Variants in UNC13C observed in about 807,000 individuals in gnomAD.
UNC13C encodes the protein protein unc-13 homolog C.
In UNC13C, 174 loss-of-function variants were observed where a neutral mutation model predicts 245.4. The observed-to-expected ratio is 0.71, with a 90% CI of 0.63 to 0.80. The LOEUF (loss-of-function observed/expected upper bound fraction) is 0.80, where lower values mean the gene tolerates loss of function less well. Ranked by LOEUF, UNC13C falls within the 30% of genes least tolerant of loss-of-function variation. UNC13C has a pLI of 0.00. For missense variants in UNC13C, 2,829 were observed against 2,602.9 expected (o/e 1.09, Z -1.89); for synonymous variants, 992 against 895.1 (o/e 1.11, Z -1.93).
At chr15:54,001,094 G>A (rs955693721) in intron 1 of UNC13C, among the ~76,000 whole-genome samples, 2 of 152,130 alleles carry the variant, frequency 1.3e-5, no homozygotes, top group African/African-American at 4.8e-5. Flanking sequence ...GTCAAGTTCT[G>A]TTTGTAGCTG....
chr15:54,457,111 C>A (rs536533768), intron 19 of UNC13C, among the ~76,000 whole-genome samples: 2 of 152,174 alleles, frequency 1.3e-5, no homozygotes, highest in Non-Finnish European at 2.9e-5. Context: ...TTATCAAATT[C>A]TATTTCTGTG....
intron 30 of UNC13C, among the ~76,000 whole-genome samples, chr15:54,606,832 C>T (rs116316186): frequency 0.014 from 2,144 of 152,198 alleles, 49 homozygotes; most frequent in African/African-American, 0.048. Context: ...GAAGGTGCTG[C>T]GTTAGCCATA....
At chr15:54,488,810 T>C (rs1893555216) in intron 19 of UNC13C, among the ~76,000 whole-genome samples, 1 of 152,148 alleles carries the variant, frequency 6.6e-6, no homozygotes, top group Non-Finnish European at 1.5e-5. Flanking sequence ...AAAATTATAC[T>C]GCAGTTTGGA....
the UNC13C span, among the ~76,000 whole-genome samples, chr15:53,884,561 C>A: frequency 6.6e-6 from 1 of 152,262 alleles, no homozygotes; most frequent in East Asian, 1.9e-4. Context: ...TCTCAAACTT[C>A]TGGCCTGAAG....
In UNC13C at chr15:54,584,865, C is replaced by A. The variant is rs117536077; in HGVS notation, c.6106+16918C>A. Among the ~76,000 whole-genome samples the A allele has an allele frequency of 2.2e-4, 33 of 152,350 alleles. No individual in the cohort carries two copies. The East Asian group carries it at 5.8e-3, about 27-fold the overall frequency. On this transcript the variant is annotated intron_variant, in intron 30 of 32. Coordinates refer to ENST00000260323, the MANE Select transcript of UNC13C (RefSeq NM_001080534.3). Reference sequence around the variant, plus strand: ...CTTATATAGAGAGTAAGTGGTGGAACTGGATTCAAATCCAAATTCTTCCAA... The same window carrying A: ...CTTATATAGAGAGTAAGTGGTGGAAATGGATTCAAATCCAAATTCTTCCAA...
chr15:54,073,618 T>C (rs1323823933), intron 2 of UNC13C, among the ~76,000 whole-genome samples: 1 of 152,280 alleles, frequency 6.6e-6, no homozygotes, highest in Non-Finnish European at 1.5e-5. Context: ...TCATTTGCGT[T>C]GCTCTAATAA....
chr15:54,622,450 G>A, intron 31 of UNC13C, 31 bp downstream of exon 31: 1 of 1,522,962 alleles, frequency 6.6e-7, no homozygotes, highest in Non-Finnish European at 9.1e-7. Flanking sequence ...AATCAAAACA[G>A]CCTTCTAAAC....
chr15:54,389,488 A>G (rs2039907979), intron 17 of UNC13C, among the ~76,000 whole-genome samples: 1 of 152,238 alleles, frequency 6.6e-6, no homozygotes, highest in Admixed American at 6.5e-5. Flanking sequence ...ATCACCATGC[A>G]CATTAGCATA....
chr15:54,354,425 TGGA>T (rs2039049718), intron 17 of UNC13C, among the ~76,000 whole-genome samples: 1 of 152,156 alleles, frequency 6.6e-6, no homozygotes, highest in Non-Finnish European at 1.5e-5. Context: ...CTTATAAAAA[TGGA>T]GGAGATTATA....
chr15:54,039,283 C>T (rs1896715538), intron 2 of UNC13C, among the ~76,000 whole-genome samples: 1 of 152,186 alleles, frequency 6.6e-6, no homozygotes, highest in Non-Finnish European at 1.5e-5. Context: ...TCAGAAGTTT[C>T]ACATGCTTAT....
Position 54,265,385 on chromosome 15 carries a change from A to G in UNC13C, c.3707A>G (p.Asp1236Gly). Residue 1236 changes from aspartate (D) to glycine (G), a missense_variant, in exon 10 of 33, where the codon GAT (aspartate) becomes GGT (glycine). Asp to Gly is a moderately conservative substitution (Grantham distance 94). Coordinates refer to ENST00000260323, the MANE Select transcript of UNC13C (RefSeq NM_001080534.3). Reference sequence around the variant, plus strand: ...TCTGCACAGGGTCTACAGGCAAAAGATAAAACAGGGTCTAGTGATCCATAT... The same window carrying G: ...TCTGCACAGGGTCTACAGGCAAAAGGTAAAACAGGGTCTAGTGATCCATAT... ...VVSAQGLQAKDKTGSSDPYVT... is the reference protein window; with the variant it reads ...VVSAQGLQAKGKTGSSDPYVT... 6.3e-7 allele frequency: 1 copy of G among 1,587,680 alleles called. No individual in the cohort carries two copies. The highest frequency in any genetic ancestry group is 8.6e-7 in the Non-Finnish European group (1 of 1,165,108).
intron 1 of UNC13C, among the ~76,000 whole-genome samples, chr15:54,007,538 C>G (rs1376994242): frequency 6.6e-6 from 1 of 152,166 alleles, no homozygotes; most frequent in Non-Finnish European, 1.5e-5. Flanking sequence ...CATCTTCTCA[C>G]TCATAAGTGG....
intron 18 of UNC13C, among the ~76,000 whole-genome samples, chr15:54,394,388 A>T (rs1225214087): frequency 6.6e-6 from 1 of 151,606 alleles, no homozygotes; most frequent in Non-Finnish European, 1.5e-5. Flanking sequence ...TGTGTTTCCT[A>T]ATCTCTGTAC....
chr15:54,170,677 A>G (rs2033364708), intron 4 of UNC13C, among the ~76,000 whole-genome samples: 1 of 151,994 alleles, frequency 6.6e-6, no homozygotes, highest in African/African-American at 2.4e-5. Flanking sequence ...AGCTATTTGA[A>G]TGTTAGATTA....
chr15:54,169,216 A>G (rs1482261749), intron 4 of UNC13C, among the ~76,000 whole-genome samples: 1 of 152,224 alleles, frequency 6.6e-6, no homozygotes. Context: ...TGGAATTACT[A>G]TAGCTGTTTA....
intron 4 of UNC13C, among the ~76,000 whole-genome samples, chr15:54,153,373 G>C (rs1236310246): frequency 6.6e-6 from 1 of 151,950 alleles, no homozygotes; most frequent in Non-Finnish European, 1.5e-5. Context: ...ACCCATATCT[G>C]AGCATTCTTT....
At chr15:54,137,733 T>G (rs950998277) in intron 2 of UNC13C, among the ~76,000 whole-genome samples, 2 of 152,144 alleles carry the variant, frequency 1.3e-5, no homozygotes, top group Non-Finnish European at 2.9e-5. Context: ...TGAGTCTAGC[T>G]AAGAGTTTGA....
chr15:54,238,199 C>G (rs1389963772), intron 7 of UNC13C, among the ~76,000 whole-genome samples: 2 of 151,660 alleles, frequency 1.3e-5, no homozygotes, highest in Non-Finnish European at 2.9e-5. Context: ...CTCAGCCTCC[C>G]TAGTAGCTGG....
chr15:54,582,565 C>A (rs574095815), intron 30 of UNC13C, among the ~76,000 whole-genome samples: 1 of 152,036 alleles, frequency 6.6e-6, no homozygotes, highest in African/African-American at 2.4e-5. Context: ...AGCAAAGGCC[C>A]AGAATGAGGG....
Sources: gnomAD v4.1 joint callset for allele counts (sites outside exome capture counted in the v4.1 genomes callset) on GRCh38, gnomAD v4.1.1 for gene constraint, MANE v1.5 for transcripts, NCBI Gene and HGNC (gene_info 2026-07-23, HGNC 2026-07-21) for gene names.